Variants in TAOK2 observed in about 807,000 individuals in gnomAD.
The protein encoded by TAOK2 is TAO kinase 2.
TAOK2 carries 42 observed loss-of-function variants against 122.5 expected under a neutral mutation model. That is an observed-to-expected ratio of 0.34 (90% CI 0.27 to 0.44). The LOEUF (loss-of-function observed/expected upper bound fraction) is 0.44. Ranked by LOEUF, TAOK2 falls within the 20% of genes least tolerant of loss-of-function variation. The probability of loss-of-function intolerance (pLI) is 1.00; values close to 1 mark genes in which losing one functional copy is unlikely to be tolerated. For synonymous variants in TAOK2, 704 were observed against 677.6 expected (o/e 1.04, Z -0.61); for missense variants, 1,264 against 1,644.9 (o/e 0.77, Z 4.01).
Position 29,986,997 on chromosome 16 carries a change from GC to G in TAOK2, c.2726del (p.Ala909ValfsTer27). ...GGAGGAGGAAGAAGAGGAAGAGGGGGCTCCGATTGGGACCCCTAGGGATCCT... is the reference window on the plus strand; with the variant it reads ...GGAGGAGGAAGAAGAGGAAGAGGGGGTCCGATTGGGACCCCTAGGGATCCT... ...PEEEEEEEEGAPIGTPRDPGD... is the reference protein window; with the variant it reads ...PEEEEEEEEGXPIGTPRDPGD... On this transcript the variant is annotated frameshift_variant, in exon 16 of 16. Coordinates refer to ENST00000308893, the MANE Select transcript of TAOK2 (RefSeq NM_016151.4). LOFTEE classifies it high-confidence loss of function. The surrounding 1 kb of genome is among the most constrained non-coding windows in gnomAD (Gnocchi z 4.2). 6.2e-7 allele frequency: 1 copy of G among 1,613,138 alleles called. No homozygotes were observed. Among genetic ancestry groups the G allele is most frequent in the Non-Finnish European group, 8.5e-7 (1 of 1,179,464 alleles).
chr16:29,975,893 A>G (rs188281147), intron 1 of TAOK2, among the ~76,000 whole-genome samples: 3 of 152,328 alleles, frequency 2.0e-5, no homozygotes, highest in African/African-American at 7.2e-5. Flanking sequence ...GAGAAGACCA[A>G]GAACTGGAAG....
At position 29,987,870 on chromosome 16, in the gene TAOK2, C is replaced by T. The variant is rs371014944; in HGVS notation, c.3598C>T (p.Arg1200Cys). ...RPTRIPRLLP[R>C]SQRQLGPPAS... The stretch of plus-strand genomic sequence containing the variant: ...CACCCGAATCCCCCGGCTACTACCA[C>T]GCAGCCAGCGCCAGCTAGGGCCCCC... The change falls in exon 16 of 16, where the codon CGC (arginine) becomes TGC (cysteine). Residue 1200 changes from arginine to cysteine, a missense_variant. By Grantham distance (180) the Arg-to-Cys change is radical. This residue lies in a region of TAOK2 where 824 missense variants were observed against 908.7 expected (regional missense o/e 0.91). Coordinates refer to ENST00000308893, the MANE Select transcript of TAOK2 (RefSeq NM_016151.4). The T allele has an allele frequency of 6.8e-6, 11 of 1,605,912 alleles. No individual in the cohort carries two copies. Among genetic ancestry groups the T allele is most frequent in the African/African-American group, 1.3e-5 (1 of 74,818 alleles).
rs753994451 is a variant in TAOK2, at chr16:29,979,378, G to A, written c.564-39G>A. 1.4e-5 allele frequency: 22 copies of A among 1,606,302 alleles called. No individual in the cohort carries two copies. The highest frequency in any genetic ancestry group is 6.7e-5 in the African/African-American group (5 of 74,722). ...TTGGGAGTAGGAGTGACAGGGTCTC[G>A]GCGGGTGATTTGCCTCTCTCTCCTG... On this transcript the variant is annotated intron_variant, in intron 7 of 15. Transcript: ENST00000308893. The surrounding 1 kb of genome is among the most constrained non-coding windows in gnomAD (Gnocchi z 4.1).
At chr16:29,975,485 G>C (rs2069426719) in intron 1 of TAOK2, among the ~76,000 whole-genome samples, 1 of 152,188 alleles carries the variant, frequency 6.6e-6, no homozygotes, top group Admixed American at 6.5e-5. Context: ...GGGTCCCTAG[G>C]AGTCCAGGCT....
At chr16:29,988,728 C>G, downstream of TAOK2, 1 of 985,412 alleles carries the variant, frequency 1.0e-6, no homozygotes, top group Non-Finnish European at 1.2e-6. Flanking sequence ...TGCAGGGGAC[C>G]AAATTGCTCT....
In TAOK2 at chr16:29,986,781, G is replaced by C. The variant is rs1247676673; in HGVS notation, c.2509G>C (p.Glu837Gln). The C allele has an allele frequency of 1.9e-6, 3 of 1,613,684 alleles. No individual in the cohort carries two copies. The African/African-American group carries it at 4.0e-5, about 22-fold the overall frequency. Residue 837 changes from glutamate (E) to glutamine (Q), a missense_variant, in exon 16 of 16, where the codon GAG (glutamate) becomes CAG (glutamine). Transcript: ENST00000308893. This position sits in a 1 kb window ranked among gnomAD's most constrained non-coding sequence, Gnocchi z 4.2. ...ACAAAAACATGGGAGCCTGGTTGAT[G>C]AGGAAGTTTGGGGTCTGCCTGAGGA... is the stretch of plus-strand genomic sequence containing the variant. ...SPQKHGSLVD[E>Q]EVWGLPEEIE... is the part of the protein sequence containing the mutation.
Position 29,986,800 on chromosome 16 carries a change from C to T in TAOK2, c.2528C>T (p.Pro843Leu), listed in dbSNP as rs370350268. The change falls in exon 16 of 16, where the codon CCT becomes CTT. Residue 843 changes from proline (P) to leucine (L), a missense_variant. By Grantham distance (98) the Pro-to-Leu change is moderately conservative. Transcript: ENST00000308893. The surrounding 1 kb of genome is among the most constrained non-coding windows in gnomAD (Gnocchi z 4.2). ...GTTGATGAGGAAGTTTGGGGTCTGC[C>T]TGAGGAGATAGAGGAGCTTAGGGTG... ...SLVDEEVWGL[P>L]EEIEELRVPS... The T allele has an allele frequency of 3.1e-6, 5 of 1,613,802 alleles. No individual in the cohort carries two copies. Among genetic ancestry groups the T allele is most frequent in the African/African-American group, 2.7e-5 (2 of 74,888 alleles).
chr16:29,979,773 T>C lies in TAOK2; in HGVS notation c.655+265T>C, dbSNP rs1210462791. Among the ~76,000 whole-genome samples the C allele has an allele frequency of 1.3e-5, 2 of 152,210 alleles. No homozygotes were observed. The highest frequency in any genetic ancestry group is 2.4e-5 in the African/African-American group (1 of 41,446). ...GCCCACCATGTGCTGTGCCATGGAC[T>C]GTGATTCTGGAGGGATAGCAGTGAA... On this transcript the variant is annotated intron_variant, in intron 8 of 15. Transcript: ENST00000308893. This position sits in a 1 kb window ranked among gnomAD's most constrained non-coding sequence, Gnocchi z 4.1.
Position 29,986,878 on chromosome 16 carries a change from C to T in TAOK2, c.2606C>T (p.Thr869Ile), listed in dbSNP as rs537042619. Residue 869 changes from threonine (T) to isoleucine (I), a missense_variant, in exon 16 of 16, where the codon ACA becomes ATA. By Grantham distance (89) the Thr-to-Ile change is moderately conservative (BLOSUM62 -1). Coordinates refer to ENST00000308893, the MANE Select transcript of TAOK2 (RefSeq NM_016151.4). This position sits in a 1 kb window ranked among gnomAD's most constrained non-coding sequence, Gnocchi z 4.2. The stretch of plus-strand genomic sequence containing the variant: ...ATTGTTGGCCAGGAGGAGGCTGGGA[C>T]ATGGAGCTTGTGGGGGAAGGAGGAT... ...RSIVGQEEAG[T>I]WSLWGKEDES... 15 of 1,613,966 alleles carry T rather than the reference C, an allele frequency of 9.3e-6. No individual in the cohort carries two copies. Among genetic ancestry groups the T allele is most frequent in the African/African-American group, 8.0e-5 (6 of 74,992 alleles).
chr16:29,987,006 G>A lies in TAOK2; in HGVS notation c.2734G>A (p.Gly912Arg), dbSNP rs2069821245. Residue 912 changes from glycine (G) to arginine (R), a missense_variant, in exon 16 of 16, where the codon GGG (glycine) becomes AGG (arginine). Coordinates refer to ENST00000308893, the MANE Select transcript of TAOK2 (RefSeq NM_016151.4). ...AGAAGAGGAAGAGGGGGCTCCGATT[G>A]GGACCCCTAGGGATCCTGGAGATGG... ...EEEEEEGAPIGTPRDPGDGCP... is the reference protein window; with the variant it reads ...EEEEEEGAPIRTPRDPGDGCP... The A allele has an allele frequency of 1.2e-6, 2 of 1,612,598 alleles. No individual in the cohort carries two copies. The highest frequency in any genetic ancestry group is 2.7e-5 in the African/African-American group (2 of 74,854).
chr16:29,982,925 C>T (rs201285718), intron 11 of TAOK2, 24 bp downstream of exon 11: 311 of 1,612,176 alleles, frequency 1.9e-4, no homozygotes, highest in Middle Eastern at 1.7e-3. Flanking sequence ...CCCTAACACC[C>T]CTCTTTATAC....
intron 8 of TAOK2, chr16:29,980,521 C>T (rs1388455381): frequency 1.3e-5 from 2 of 152,248 alleles, no homozygotes; most frequent in African/African-American, 4.8e-5. Flanking sequence ...TAAATGCTGG[C>T]CCTTTCCTTC....
chr16:29,983,500 T>C lies in TAOK2; in HGVS notation c.1261-3T>C, dbSNP rs2069685195. The C allele has an allele frequency of 1.2e-6, 2 of 1,606,792 alleles. No homozygotes were observed. Among genetic ancestry groups the C allele is most frequent in the Non-Finnish European group, 1.7e-6 (2 of 1,174,884 alleles). On this transcript the variant is annotated splice_polypyrimidine_tract_variant and splice_region_variant and intron_variant, in intron 12 of 15. Transcript: ENST00000308893. ...CTTGGGTGTTCCTTCTATCTCCCTCTAGGGCTCTGACAACCTATATGATGA... is the reference window on the plus strand; with the variant it reads ...CTTGGGTGTTCCTTCTATCTCCCTCCAGGGCTCTGACAACCTATATGATGA...
chr16:29,991,724 G>A (rs2069973394), downstream of TAOK2: 1 of 1,015,166 alleles, frequency 9.9e-7, no homozygotes, highest in South Asian at 3.5e-5. The surrounding 1 kb of genome is among the most constrained non-coding windows in gnomAD (Gnocchi z 5.6). Flanking sequence ...TCTTGGGGCT[G>A]GCCAGTGGCC....
chr16:29,985,439 G>T lies in TAOK2; in HGVS notation c.1649G>T (p.Gly550Val), dbSNP rs773147120. The change falls in exon 14 of 16, where the codon GGT becomes GTT. Residue 550 changes from glycine (G) to valine (V), a missense_variant. By Grantham distance (109) the Gly-to-Val change is moderately radical. Coordinates refer to ENST00000308893, the MANE Select transcript of TAOK2 (RefSeq NM_016151.4). The surrounding 1 kb of genome is among the most constrained non-coding windows in gnomAD (Gnocchi z 6.9). Reference sequence around the variant, plus strand: ...CTGGCCCGGCGGCACCAGGCCATAGGTGAGAAGGAGGCACGAGCTGCCCAG... The same window carrying T: ...CTGGCCCGGCGGCACCAGGCCATAGTTGAGAAGGAGGCACGAGCTGCCCAG... ...EKLARRHQAI[G>V]EKEARAAQAE... The T allele has an allele frequency of 2.0e-5, 33 of 1,610,772 alleles. 1 individual carries two copies. In the South Asian group the frequency reaches 3.4e-4, roughly 17 times the overall value.
Position 29,982,869 on chromosome 16 carries a change from G to A in TAOK2, c.967G>A (p.Gly323Ser), listed in dbSNP as rs575152450. ...KKILFQEAPN[G>S]PGAEAPEEEE... Reference sequence around the variant, plus strand: ...GATCCTGTTCCAAGAGGCACCCAACGGCCCTGGTGCCGAGGCCCCAGAGGA... The same window carrying A: ...GATCCTGTTCCAAGAGGCACCCAACAGCCCTGGTGCCGAGGCCCCAGAGGA... The change falls in exon 11 of 16, where the codon GGC becomes AGC. Residue 323 changes from glycine to serine, a missense_variant. By Grantham distance (56) the Gly-to-Ser change is moderately conservative. This residue lies in a region of TAOK2 where 254 missense variants were observed against 503.8 expected (regional missense o/e 0.50). Coordinates refer to ENST00000308893, the MANE Select transcript of TAOK2 (RefSeq NM_016151.4). 11 of 1,614,036 alleles carry A rather than the reference G, an allele frequency of 6.8e-6. No homozygotes were observed. The highest frequency in any genetic ancestry group is 6.7e-5 in the African/African-American group (5 of 74,986).
Position 29,987,840 on chromosome 16 carries a change from C to A in TAOK2, c.3568C>A (p.Arg1190=), listed in dbSNP as rs756806042. 2 of 1,611,796 alleles carry A rather than the reference C, an allele frequency of 1.2e-6. No homozygotes were observed. The highest frequency in any genetic ancestry group is 1.7e-6 in the Non-Finnish European group (2 of 1,179,572). Reference sequence around the variant, plus strand: ...CAGCTGGGGCCTGCTTCGGGGTGAACGGCCCACCCGAATCCCCCGGCTACT... The same window carrying A: ...CAGCTGGGGCCTGCTTCGGGGTGAAAGGCCCACCCGAATCCCCCGGCTACT... The part of the protein sequence containing the change: ...LASWGLLRGE[R]PTRIPRLLPR... Residue 1190 remains arginine (R), a synonymous_variant, in exon 16 of 16, where the codon CGG becomes AGG. Transcript: ENST00000308893.
Position 29,977,834 on chromosome 16 carries a change from A to G in TAOK2, c.62A>G (p.Lys21Arg), listed in dbSNP as rs771869853. 5.0e-6 allele frequency: 8 copies of G among 1,614,184 alleles called. No individual in the cohort carries two copies. Among genetic ancestry groups the G allele is most frequent in the South Asian group, 3.3e-5 (3 of 91,092 alleles). Residue 21 changes from lysine to arginine, a missense_variant, in exon 2 of 16, where the codon AAG (lysine) becomes AGG (arginine). Coordinates refer to ENST00000308893, the MANE Select transcript of TAOK2 (RefSeq NM_016151.4). ...CCAGATGTGGCTGAGCTCTTCTTCA[A>G]GGATGACCCAGAAAAGCTCTTCTCT... Reference protein sequence around the residue: ...KDPDVAELFFKDDPEKLFSDL... With the variant: ...KDPDVAELFFRDDPEKLFSDL...
intron 8 of TAOK2, chr16:29,981,404 CT>C (rs2069609962): frequency 6.6e-6 from 4 of 603,260 alleles, no homozygotes; most frequent in Non-Finnish European, 1.2e-5. Context: ...AATGGCTGTC[CT>C]TCTGCCTTCG....
Sources: gnomAD v4.1 joint callset for allele counts (sites outside exome capture counted in the v4.1 genomes callset) on GRCh38, gnomAD v4.1.1 for gene constraint, gnomAD v4.1.1 regional missense constraint, Gnocchi (gnomAD v3.1) non-coding constraint, MANE v1.5 for transcripts, NCBI Gene and HGNC (gene_info 2026-07-23, HGNC 2026-07-21) for gene names.